The following MYO10 variants were observed in gnomAD, a reference collection of about 807,000 sequenced individuals.
The protein encoded by MYO10 is unconventional myosin-X.
A neutral mutation model predicts 257.3 loss-of-function variants in MYO10; 133 were observed. The observed-to-expected ratio is 0.52, with a 90% confidence interval of 0.45 to 0.60. The LOEUF (loss-of-function observed/expected upper bound fraction) is 0.60. MYO10 is among the 20% of genes least tolerant of loss of function. The pLI is 0.00. For synonymous variants in MYO10, 1,104 were observed against 1,028.6 expected, an observed-to-expected ratio of 1.07 and a Z score of -1.40; for missense variants, 2,399 against 2,635.7, an observed-to-expected ratio of 0.91 and a Z score of 1.97.
chr5:16,674,877 T>C lies in MYO10; in HGVS notation c.4940A>G (p.Lys1647Arg). 1.9e-6 allele frequency: 3 copies of C among 1,613,958 alleles called. No individual in the cohort carries two copies. Among genetic ancestry groups the C allele is most frequent in the Non-Finnish European group, 1.7e-6 (2 of 1,179,872 alleles). ...CCTTTTCAGATGGAACTTGAGATAC[T>C]TGAGAATCCCTCGACTCGGCAGGAA... is the stretch of plus-strand genomic sequence containing the variant. ...CTFLPSRGIL[K>R]YLKFHLKRIR... Residue 1647 changes from lysine to arginine, a missense_variant, in exon 35 of 41, where the codon AAG (lysine) becomes AGG (arginine). Lys to Arg is a conservative substitution (Grantham distance 26). Around this residue, in one of 3 missense-constraint regions of MYO10, gnomAD observed 1,820 missense variants for 1,939.4 expected, o/e 0.94. Transcript: ENST00000513610.
At chr5:16,926,768 C>T (rs1308159976) in intron 1 of MYO10, among the ~76,000 whole-genome samples, 2 of 151,510 alleles carry the variant, frequency 1.3e-5, no homozygotes, top group East Asian at 3.9e-4. Context: ...GTATTACTGT[C>T]CGTAAAACAA....
At chr5:16,781,526 T>TGCACATGTA (rs1741423748) in intron 6 of MYO10, among the ~76,000 whole-genome samples, 179 bp downstream of exon 6, 1 of 152,214 alleles carries the variant, frequency 6.6e-6, no homozygotes, top group African/African-American at 2.4e-5. Context: ...ATGTACCATG[T>TGCACATGTA]CCATCTCATA....
At chr5:16,814,632 T>C (rs1742549669) in intron 3 of MYO10, 1 of 152,160 alleles carries the variant, frequency 6.6e-6, no homozygotes, top group Non-Finnish European at 1.5e-5. Context: ...GTGGCGGTCT[T>C]GTCTCGATGT....
At chr5:16,814,815 G>C (rs1478304159) in intron 3 of MYO10, 1 of 151,900 alleles carries the variant, frequency 6.6e-6, no homozygotes, top group East Asian at 1.9e-4. Flanking sequence ...AAAATCCTAC[G>C]GGTTTCCCCT....
At chr5:16,909,859 T>G (rs1184556840) in intron 1 of MYO10, among the ~76,000 whole-genome samples, 1 of 152,106 alleles carries the variant, frequency 6.6e-6, no homozygotes. Flanking sequence ...TTAGTTCCTA[T>G]GAGAACTGGT....
chr5:16,739,191 C>CAAA (rs1218627544), intron 19 of MYO10, among the ~76,000 whole-genome samples: 1 of 96,546 alleles, frequency 1.0e-5, no homozygotes, highest in African/African-American at 3.4e-5. Flanking sequence ...AATCATGTCC[C>CAAA]AAAAAAAAAA....
intron 14 of MYO10, among the ~76,000 whole-genome samples, 178 bp from the exon 15 acceptor site, chr5:16,762,815 T>A (rs1338042958): frequency 6.6e-6 from 1 of 151,768 alleles, no homozygotes; most frequent in Admixed American, 6.6e-5. Context: ...TACAAAAAAA[T>A]TAACTGGGCG....
rs1046534203 is a variant in MYO10, at chr5:16,826,179, A to C, written c.121-8012T>G. Reference sequence around the variant, plus strand: ...AACAAAACATAGTAATAAAAAAAAAAACACAACAAAAAAGAGTGGAATAAG... The same window carrying C: ...AACAAAACATAGTAATAAAAAAAAACACACAACAAAAAAGAGTGGAATAAG... On this transcript the variant is annotated intron_variant, in intron 2 of 40. Transcript: ENST00000513610. Among the ~76,000 whole-genome samples the C allele has an allele frequency of 2.0e-5, 3 of 152,128 alleles. No homozygotes were observed. The South Asian group carries it at 6.2e-4, about 32-fold the overall frequency.
At chr5:16,782,372 A>T (rs1182164867) in intron 5 of MYO10, among the ~76,000 whole-genome samples, 4 of 152,148 alleles carry the variant, frequency 2.6e-5, no homozygotes, top group Non-Finnish European at 5.9e-5. Context: ...CTGCCACTAT[A>T]GCCTAAAAGC....
At chr5:16,757,301 A>AC (rs1740559574) in intron 18 of MYO10, among the ~76,000 whole-genome samples, 1 of 84,348 alleles carries the variant, frequency 1.2e-5, no homozygotes, top group African/African-American at 4.7e-5. Flanking sequence ...CACACACACA[A>AC]ACACACACAC....
chr5:16,888,952 C>T (rs1744966782), intron 1 of MYO10, among the ~76,000 whole-genome samples: 2 of 151,698 alleles, frequency 1.3e-5, no homozygotes, highest in South Asian at 4.2e-4. Context: ...GTGGGAGGAT[C>T]GTTTGAGCTC....
chr5:16,845,302 A>C (rs964999628), intron 2 of MYO10, among the ~76,000 whole-genome samples: 2 of 152,174 alleles, frequency 1.3e-5, no homozygotes, highest in African/African-American at 2.4e-5. Context: ...AATTTCTCAT[A>C]AAGTTTAACT....
intron 1 of MYO10, among the ~76,000 whole-genome samples, chr5:16,895,165 A>G (rs1745181791): frequency 6.6e-6 from 1 of 152,252 alleles, no homozygotes; most frequent in Non-Finnish European, 1.5e-5. Flanking sequence ...CACACAGTAG[A>G]CAAGTCATTT....
At chr5:16,813,666 T>A (rs963932078) in intron 3 of MYO10, among the ~76,000 whole-genome samples, 9 of 152,058 alleles carry the variant, frequency 5.9e-5, no homozygotes, top group African/African-American at 2.2e-4. Context: ...TGTGACTAGA[T>A]AATGTCACAT....
chr5:16,840,084 G>A (rs1233783970), intron 2 of MYO10, among the ~76,000 whole-genome samples: 1 of 152,168 alleles, frequency 6.6e-6, no homozygotes, highest in Non-Finnish European at 1.5e-5. Flanking sequence ...AGCTCTGCCA[G>A]GTTTCCTACA....
Position 16,670,661 on chromosome 5 carries a change from T to G in MYO10, c.5748A>C (p.Glu1916Asp), listed in dbSNP as rs1736407119. ...TGATACTGGCTCGAGCAGAGGAGAC[T>G]TCTTCCTTAATCCACATGTCCAGCA... Reference protein sequence around the residue: ...EQMLDMWIKEEVSSARASIID... With the variant: ...EQMLDMWIKEDVSSARASIID... The change falls in exon 39 of 41, where the codon GAA becomes GAC. Residue 1916 changes from glutamate (E) to aspartate (D), a missense_variant. Coordinates refer to ENST00000513610, the MANE Select transcript of MYO10 (RefSeq NM_012334.3). 1.9e-6 allele frequency: 3 copies of G among 1,613,892 alleles called. No individual in the cohort carries two copies. Among genetic ancestry groups the G allele is most frequent in the Non-Finnish European group, 2.5e-6 (3 of 1,179,904 alleles).
At chr5:16,783,246 C>T (rs1293229932) in intron 5 of MYO10, 89 bp downstream of exon 5, 15 of 1,316,382 alleles carry the variant, frequency 1.1e-5, no homozygotes, top group African/African-American at 1.5e-5. Flanking sequence ...AAGAGAAACG[C>T]GACCAACTAA....
At chr5:16,806,831 C>G (rs1474832489) in intron 3 of MYO10, among the ~76,000 whole-genome samples, 1 of 152,068 alleles carries the variant, frequency 6.6e-6, no homozygotes, top group African/African-American at 2.4e-5. Flanking sequence ...GAAGAACCTC[C>G]CCTGGCACTG....
At chr5:16,779,075 C>G (rs752522298) in intron 9 of MYO10, among the ~76,000 whole-genome samples, 1 of 152,154 alleles carries the variant, frequency 6.6e-6, no homozygotes, top group Non-Finnish European at 1.5e-5. Context: ...GTGACAAGAC[C>G]CCAGGTTTTA....
Sources: gnomAD v4.1 joint callset for allele counts (sites outside exome capture counted in the v4.1 genomes callset) on GRCh38, gnomAD v4.1.1 for gene constraint, gnomAD v4.1.1 regional missense constraint, MANE v1.5 for transcripts, NCBI Gene and HGNC (gene_info 2026-07-23, HGNC 2026-07-21) for gene names.